The following UTRN variants were observed in gnomAD, a reference collection of about 807,000 sequenced individuals.
UTRN encodes the protein utrophin.
Under a neutral mutation model 463.9 loss-of-function variants are expected in UTRN, and 283 were observed. That is an observed-to-expected ratio of 0.61 (90% confidence interval 0.55 to 0.67). UTRN has a LOEUF of 0.67. UTRN is among the 30% of genes least tolerant of loss of function. UTRN has a pLI of 0.00. For synonymous variants in UTRN, 1,442 were observed against 1,431.5 expected, an observed-to-expected ratio of 1.01 and a Z score of -0.17; for missense variants, 3,922 against 4,084.3, an observed-to-expected ratio of 0.96 and a Z score of 1.08.
At chr6:144,714,736 G>A (rs1786194899) in intron 53 of UTRN, among the ~76,000 whole-genome samples, 1 of 152,152 alleles carries the variant, frequency 6.6e-6, no homozygotes, top group Admixed American at 6.5e-5. Flanking sequence ...CTTAGGTAAG[G>A]AAGCCATCCT....
intron 46 of UTRN, among the ~76,000 whole-genome samples, chr6:144,543,076 G>C (rs980508951): frequency 1.2e-4 from 19 of 152,174 alleles, no homozygotes; most frequent in Non-Finnish European, 1.5e-4. Context: ...TTGTTCTCGC[G>C]GCAGATAAGG....
chr6:144,361,777 T>TA (rs1158419847), intron 2 of UTRN, among the ~76,000 whole-genome samples: 2 of 150,446 alleles, frequency 1.3e-5, no homozygotes, highest in Non-Finnish European at 3.0e-5. Flanking sequence ...TCTTTCTTTT[T>TA]TTTTTTTTTG....
intron 2 of UTRN, among the ~76,000 whole-genome samples, chr6:144,368,244 C>T (rs1020521874): frequency 6.6e-6 from 1 of 152,158 alleles, no homozygotes; most frequent in Non-Finnish European, 1.5e-5. Flanking sequence ...TTGATTTCTT[C>T]AGTTTCTTTA....
intron 33 of UTRN, among the ~76,000 whole-genome samples, chr6:144,494,948 G>A (rs1209597655): frequency 1.3e-5 from 2 of 152,160 alleles, no homozygotes; most frequent in Non-Finnish European, 2.9e-5. Context: ...CAAACCCTGA[G>A]CTAGACACAG....
At chr6:144,485,084 T>TTATA (rs141170221) in intron 27 of UTRN, among the ~76,000 whole-genome samples, 13 of 149,696 alleles carry the variant, frequency 8.7e-5, no homozygotes. Flanking sequence ...GCTAATATTT[T>TTATA]TATATATATA....
chr6:144,653,271 T>TA (rs1562712306), intron 51 of UTRN, among the ~76,000 whole-genome samples: 1 of 152,196 alleles, frequency 6.6e-6, no homozygotes, highest in Non-Finnish European at 1.5e-5. Context: ...TATTAGAGGT[T>TA]AATTATTTGC....
chr6:144,619,522 C>T (rs1490853090), intron 51 of UTRN, among the ~76,000 whole-genome samples: 1 of 152,080 alleles, frequency 6.6e-6, no homozygotes, highest in African/African-American at 2.4e-5. Context: ...TTTTGGGTGT[C>T]TACACAGAAA....
At position 144,522,996 on chromosome 6, in the gene UTRN, C is replaced by G; in HGVS notation, c.5734-20C>G. 6.4e-7 allele frequency: 1 copy of G among 1,555,488 alleles called. No individual in the cohort carries two copies. The highest frequency in any genetic ancestry group is 2.3e-5 in the East Asian group (1 of 43,040). On this transcript the variant is annotated intron_variant, in intron 40 of 74. Transcript: ENST00000367545. ...TGTTACTTTGCTGGATTTTGTTAAT[C>G]TATGACAATATATTTTTAGAATATC...
rs1161491336 is a variant in UTRN at position 144,751,942 on chromosome 6, A to T, written c.8345A>T (p.Lys2782Ile). 1 of 1,608,284 alleles carries T rather than the reference A, an allele frequency of 6.2e-7. No homozygotes were observed. Among genetic ancestry groups the T allele is most frequent in the East Asian group, 2.2e-5 (1 of 44,510 alleles). The change falls in exon 56 of 75, where the codon AAA becomes ATA. Residue 2782 changes from lysine to isoleucine, a missense_variant. Transcript: ENST00000367545. ...RQLDDLNMRW[K>I]LLQVSVDDRL... ...CTAGATGACCTTAATATGCGATGGA[A>T]ACTTTTACAGGTATCAGCTTATTCC...
chr6:144,526,346 T>C (rs1463960657), intron 41 of UTRN, among the ~76,000 whole-genome samples: 4 of 152,224 alleles, frequency 2.6e-5, no homozygotes, highest in African/African-American at 9.6e-5. Flanking sequence ...TAGTAATTGT[T>C]TTACAAACTT....
chr6:144,387,731 GT>G (rs1229911115), intron 2 of UTRN, among the ~76,000 whole-genome samples: 2 of 152,164 alleles, frequency 1.3e-5, no homozygotes, highest in African/African-American at 2.4e-5. Context: ...GCTTTATCCA[GT>G]TTAGGAGCTT....
intron 2 of UTRN, among the ~76,000 whole-genome samples, chr6:144,368,771 G>GA (rs570255668): frequency 6.7e-5 from 10 of 148,696 alleles, no homozygotes; most frequent in South Asian, 2.1e-4. Flanking sequence ...CGCAAAAAAA[G>GA]AAAAAAAAAG....
At chr6:144,370,452 C>A (rs1196259246) in intron 2 of UTRN, among the ~76,000 whole-genome samples, 1 of 152,194 alleles carries the variant, frequency 6.6e-6, no homozygotes, top group African/African-American at 2.4e-5. Flanking sequence ...TGGGAACCTC[C>A]ACTTAGATTT....
intron 51 of UTRN, among the ~76,000 whole-genome samples, chr6:144,633,651 GA>G (rs1227732695): frequency 2.6e-5 from 4 of 152,152 alleles, no homozygotes. Flanking sequence ...ATAGTCACCA[GA>G]GTAGTCATCA....
At chr6:144,306,161 C>A (rs531147799) in intron 2 of UTRN, among the ~76,000 whole-genome samples, 6 of 152,136 alleles carry the variant, frequency 3.9e-5, no homozygotes, top group Non-Finnish European at 8.8e-5. Context: ...CTTGAGATGG[C>A]CTCCTCTCTC....
At chr6:144,493,997 G>GT (rs1418578112) in intron 33 of UTRN, among the ~76,000 whole-genome samples, 1 of 152,042 alleles carries the variant, frequency 6.6e-6, no homozygotes, top group African/African-American at 2.4e-5. Context: ...GTGAGACACT[G>GT]TTTTTAAAAA....
At chr6:144,325,475 T>A (rs1775920084) in intron 2 of UTRN, among the ~76,000 whole-genome samples, 1 of 152,202 alleles carries the variant, frequency 6.6e-6, no homozygotes, top group Non-Finnish European at 1.5e-5. Flanking sequence ...CTTCCCATCC[T>A]CCAGATCCTT....
chr6:144,549,325 G>A (rs2128610876), intron 47 of UTRN, among the ~76,000 whole-genome samples: 1 of 152,290 alleles, frequency 6.6e-6, no homozygotes, highest in Non-Finnish European at 1.5e-5. Context: ...TGTGTGCTAA[G>A]TTCTGGGCTG....
At chr6:144,548,292 G>C (rs531744260) in intron 46 of UTRN, among the ~76,000 whole-genome samples, 1 of 151,782 alleles carries the variant, frequency 6.6e-6, no homozygotes, top group African/African-American at 2.4e-5. Context: ...AAAGTTAAAT[G>C]AAAAAAATAA....
Sources: gnomAD v4.1 joint callset for allele counts (sites outside exome capture counted in the v4.1 genomes callset) on GRCh38, gnomAD v4.1.1 for gene constraint, MANE v1.5 for transcripts, NCBI Gene and HGNC (gene_info 2026-07-23, HGNC 2026-07-21) for gene names.